The following MACROD1 variants were observed in gnomAD, a reference collection of about 807,000 sequenced individuals.
MACROD1 encodes the protein ADP-ribose glycohydrolase MACROD1.
A neutral mutation model predicts 41.4 loss-of-function variants in MACROD1; 31 were observed. That is an observed-to-expected ratio of 0.75 (90% CI 0.56 to 1.01). MACROD1 has a LOEUF of 1.01. MACROD1 is among the 50% of genes least tolerant of loss of function. The pLI, the probability that MACROD1 is intolerant of heterozygous loss-of-function variation, is 0.00. For missense variants in MACROD1, 473 were observed against 460.0 expected, an observed-to-expected ratio of 1.03 and a Z score of -0.26; for synonymous variants, 252 against 203.4, an observed-to-expected ratio of 1.24 and a Z score of -2.03.
intron 4 of MACROD1, among the ~76,000 whole-genome samples, chr11:64,002,299 G>A (rs17631839): frequency 0.017 from 2,623 of 152,342 alleles, 42 homozygotes; most frequent in Non-Finnish European, 0.028. Context: ...CCCGTGCGGG[G>A]AAGTGGAGCT....
At chr11:64,012,608 C>T (rs908883128) in intron 4 of MACROD1, among the ~76,000 whole-genome samples, 2 of 152,154 alleles carry the variant, frequency 1.3e-5, no homozygotes, top group African/African-American at 4.8e-5. Context: ...ACCATGTTGG[C>T]TAGGCTTGTC....
At chr11:64,104,352 G>A (rs902545298) in intron 3 of MACROD1, among the ~76,000 whole-genome samples, 2 of 152,064 alleles carry the variant, frequency 1.3e-5, no homozygotes, top group African/African-American at 4.8e-5. Flanking sequence ...ACCCACTCAC[G>A]CAGTTCATGC....
intron 3 of MACROD1, among the ~76,000 whole-genome samples, chr11:64,144,391 T>C (rs993793087): frequency 5.9e-5 from 9 of 152,188 alleles, no homozygotes; most frequent in Non-Finnish European, 1.2e-4. Context: ...CCCCACGGCG[T>C]GGTGCACAGC....
chr11:64,100,202 A>C (rs564066748), intron 3 of MACROD1, among the ~76,000 whole-genome samples: 1 of 152,314 alleles, frequency 6.6e-6, no homozygotes, highest in South Asian at 2.1e-4. Context: ...GGAAAGGACA[A>C]GGTGCATTGT....
At chr11:64,054,925 C>G (rs541118978) in intron 3 of MACROD1, among the ~76,000 whole-genome samples, 16 of 152,290 alleles carry the variant, frequency 1.1e-4, no homozygotes, top group Admixed American at 5.2e-4. Context: ...CCCTCTTTCT[C>G]CCCTGCTCTT....
chr11:64,152,415 T>C (rs1174142758), intron 1 of MACROD1, 22 bp from the exon 2 acceptor site: 2 of 1,595,658 alleles, frequency 1.3e-6, no homozygotes, highest in Non-Finnish European at 1.7e-6. Flanking sequence ...GGAAGGAGGA[T>C]CAGGGTGGGG....
chr11:64,165,978 C>G lies in MACROD1; in HGVS notation c.17G>C (p.Arg6Pro). Reference sequence around the variant, plus strand: ...CAGCTGTGCCAGGCGGCCGGACAGTCGGCTCTGTAGAGACATGAGCGGGCG... The same window carrying G: ...CAGCTGTGCCAGGCGGCCGGACAGTGGGCTCTGTAGAGACATGAGCGGGCG... MSLQS[R>P]LSGRLAQLRA... The change falls in exon 1 of 11, where the codon CGA (arginine) becomes CCA (proline). Residue 6 changes from arginine (R) to proline (P), a missense_variant. Physicochemically the swap from Arg to Pro is moderately radical, Grantham distance 103. Transcript: ENST00000255681. The G allele has an allele frequency of 7.7e-7, 1 of 1,293,576 alleles. No homozygotes were observed. The highest frequency in any genetic ancestry group is 9.7e-7 in the Non-Finnish European group (1 of 1,027,064). The allele number at this position is 1,293,576 out of a possible 1,614,324, so 80.1% of individuals were successfully genotyped here. A position where few individuals can be genotyped will look rare whatever the true frequency, so the allele number is the denominator to read the frequency against.
rs764622263 is a variant in MACROD1 at position 64,117,740 on chromosome 11, G to A, written c.517+33499C>T. On this transcript the variant is annotated intron_variant, in intron 3 of 10. Transcript: ENST00000255681. ...CCTTGGTGCAGGGGGACAAGACAGA[G>A]TACCTGCTGACAGCCCTGGAGCCCA... 22 of 1,613,968 alleles carry A rather than the reference G, an allele frequency of 1.4e-5. No individual in the cohort carries two copies. In the South Asian group the frequency reaches 2.4e-4, roughly 18 times the overall value.
At chr11:64,029,473 G>T (rs1390165117) in intron 3 of MACROD1, among the ~76,000 whole-genome samples, 1 of 152,078 alleles carries the variant, frequency 6.6e-6, no homozygotes, top group Non-Finnish European at 1.5e-5. Context: ...TGATGTCTTG[G>T]GGCTGCCACC....
At chr11:64,138,818 A>G (rs1053421449) in intron 3 of MACROD1, among the ~76,000 whole-genome samples, 1 of 151,428 alleles carries the variant, frequency 6.6e-6, no homozygotes, top group African/African-American at 2.4e-5. Context: ...CCCAGGCTGG[A>G]GTGCGGTGGC....
At chr11:64,071,568 G>A (rs1403773975) in intron 3 of MACROD1, among the ~76,000 whole-genome samples, 2 of 152,090 alleles carry the variant, frequency 1.3e-5, no homozygotes, top group Non-Finnish European at 2.9e-5. Context: ...GGGAAACCTT[G>A]CCCCTTAGTT....
intron 3 of MACROD1, among the ~76,000 whole-genome samples, chr11:64,093,515 C>T (rs1007075137): frequency 2.0e-5 from 3 of 152,254 alleles, no homozygotes; most frequent in Non-Finnish European, 2.9e-5. Context: ...CAGCCTGGCC[C>T]ACCTTTGGGC....
chr11:64,050,884 G>T, intron 3 of MACROD1, among the ~76,000 whole-genome samples: 1 of 152,222 alleles, frequency 6.6e-6, no homozygotes, highest in East Asian at 1.9e-4. Flanking sequence ...TTTCCAAAGT[G>T]CTGGGATTAC....
chr11:64,020,908 G>A (rs1943143600), intron 3 of MACROD1, among the ~76,000 whole-genome samples: 1 of 151,992 alleles, frequency 6.6e-6, no homozygotes, highest in African/African-American at 2.4e-5. Flanking sequence ...TTAGAGACGG[G>A]GTTTCACCAT....
intron 3 of MACROD1, among the ~76,000 whole-genome samples, chr11:64,021,296 G>T (rs1027043749): frequency 2.0e-5 from 3 of 152,226 alleles, no homozygotes; most frequent in South Asian, 2.1e-4. Flanking sequence ...CTGTGTAGGC[G>T]ACAGGGGCTG....
At chr11:64,099,315 C>G (rs1195500589) in intron 3 of MACROD1, among the ~76,000 whole-genome samples, 1 of 152,262 alleles carries the variant, frequency 6.6e-6, no homozygotes, top group Non-Finnish European at 1.5e-5. Flanking sequence ...AACCAATGCC[C>G]TCCCCACTGG....
chr11:64,081,620 G>A (rs1944305179), intron 3 of MACROD1: 1 of 120,794 alleles, frequency 8.3e-6, no homozygotes, highest in Non-Finnish European at 2.1e-5. Context: ...GGTGAGGAAG[G>A]GGACCACTCT....
chr11:64,048,594 G>A (rs964570972), intron 3 of MACROD1, among the ~76,000 whole-genome samples: 1 of 152,176 alleles, frequency 6.6e-6, no homozygotes, highest in Non-Finnish European at 1.5e-5. Flanking sequence ...GGCAGCAGGG[G>A]CTGCAGCCCC....
intron 3 of MACROD1, among the ~76,000 whole-genome samples, chr11:64,029,881 C>T (rs552518274): frequency 1.5e-3 from 221 of 152,186 alleles, no homozygotes; most frequent in African/African-American, 3.6e-3. Flanking sequence ...GGGAGGGAGC[C>T]GGGAGAGGCA....
Sources: allele counts gnomAD v4.1 joint callset (sites outside exome capture counted in the v4.1 genomes callset), GRCh38; gene constraint gnomAD v4.1.1; transcripts MANE v1.5; gene names NCBI Gene and HGNC (gene_info 2026-07-23, HGNC 2026-07-21).